TNRC6B: variants seen among roughly 807,000 people sequenced by gnomAD.
The protein encoded by TNRC6B is trinucleotide repeat containing adaptor 6B, also known as trinucleotide repeat-containing gene 6B protein.
A neutral mutation model predicts 203.6 loss-of-function variants in TNRC6B; 52 were observed. The ratio of observed to expected loss-of-function variants is 0.26; its 90% CI spans 0.20 to 0.32. The LOEUF (loss-of-function observed/expected upper bound fraction) is 0.32. TNRC6B is among the 10% of genes least tolerant of loss of function. The pLI is 1.00. For synonymous variants in TNRC6B, 838 were observed against 845.7 expected, an observed-to-expected ratio of 0.99 and a Z score of 0.16; for missense variants, 1,923 against 2,286.2, an observed-to-expected ratio of 0.84 and a Z score of 3.24.
intron 1 of TNRC6B, among the ~76,000 whole-genome samples, chr22:40,099,577 T>C (rs1214395994): frequency 3.9e-5 from 6 of 152,186 alleles, no homozygotes; most frequent in Admixed American, 3.9e-4. Flanking sequence ...ACTATTTTCC[T>C]TGACATTATT....
At chr22:40,223,883 A>G (rs1297982503) in intron 1 of TNRC6B, among the ~76,000 whole-genome samples, 4 of 152,212 alleles carry the variant, frequency 2.6e-5, no homozygotes, top group Non-Finnish European at 5.9e-5. Flanking sequence ...TCTCATCAGC[A>G]ATGGTATATG....
At chr22:40,075,156 A>ATT (rs58240994) in intron 1 of TNRC6B, among the ~76,000 whole-genome samples, 3,353 of 35,364 alleles carry the variant, frequency 0.095, 212 homozygotes, top group Middle Eastern at 0.16. Context: ...ATATATATAT[A>ATT]TTTTTTTTTT....
upstream of TNRC6B, among the ~76,000 whole-genome samples, chr22:40,173,330 C>T (rs929913722): frequency 7.6e-4 from 115 of 151,704 alleles, 1 homozygote; most frequent in Admixed American, 7.4e-3. Flanking sequence ...CACTTGACCT[C>T]GTGATCCACC....
At chr22:40,114,081 C>T (rs561159773) in intron 1 of TNRC6B, among the ~76,000 whole-genome samples, 2 of 152,156 alleles carry the variant, frequency 1.3e-5, no homozygotes, top group East Asian at 1.9e-4. Context: ...TTAAGAGCCT[C>T]TCTATACTGC....
At chr22:40,161,290 G>C (rs894809789) in intron 4 of TNRC6B, among the ~76,000 whole-genome samples, 3 of 152,172 alleles carry the variant, frequency 2.0e-5, no homozygotes, top group African/African-American at 7.2e-5. Context: ...GTGAGGCAGA[G>C]ATCTAACTTA....
Position 40,123,031 on chromosome 22 carries a change from ATTG to A in TNRC6B, c.-46-2736_-46-2734del, listed in dbSNP as rs542414652. 1.6e-4 allele frequency among the ~76,000 whole-genome samples: 24 copies of A among 152,216 alleles called. No homozygotes were observed. In the South Asian group the frequency reaches 4.8e-3, roughly 30 times the overall value. ...AGGTCTAGCAATAGTAAGGTTCCCA[ATTG>A]TTGTCAGCCACTGGGTGGTTCAGTA... On this transcript the variant is annotated intron_variant, in intron 2 of 23. Transcript: ENST00000301923.
At chr22:40,233,834 A>G (rs1247035325) in intron 1 of TNRC6B, among the ~76,000 whole-genome samples, 1 of 152,158 alleles carries the variant, frequency 6.6e-6, no homozygotes, top group Non-Finnish European at 1.5e-5. Context: ...TTCACCCTAC[A>G]GTGGATGCCA....
At chr22:40,044,910 C>G (rs1269336699) in exon 1 of TNRC6B, 1 of 152,502 alleles carries the variant, frequency 6.6e-6, no homozygotes, top group African/African-American at 2.4e-5. Flanking sequence ...CCCCCTACGA[C>G]GTCGCCTCCA....
intron 12 of TNRC6B, among the ~76,000 whole-genome samples, chr22:40,286,548 A>G (rs1389754345): frequency 1.3e-5 from 2 of 152,132 alleles, no homozygotes; most frequent in African/African-American, 4.8e-5. Flanking sequence ...ATTCTGGATT[A>G]TTCTGAAAAT....
At position 40,266,319 on chromosome 22, in the gene TNRC6B, G is replaced by C; in HGVS notation, c.2089G>C (p.Gly697Arg). 9 of 1,600,118 alleles carry C rather than the reference G, an allele frequency of 5.6e-6. No homozygotes were observed. Among genetic ancestry groups the C allele is most frequent in the Non-Finnish European group, 7.7e-6 (9 of 1,172,938 alleles). Residue 697 changes from glycine to arginine, a missense_variant, in exon 5 of 23, where the codon GGC (glycine) becomes CGC (arginine). By Grantham distance (125) the Gly-to-Arg change is moderately radical. This residue lies in a region of TNRC6B where 599 missense variants were observed against 656.5 expected (regional missense o/e 0.91). Transcript: ENST00000454349. ...TEWKDPKNTG[G>R]WNDYKNNNSS... ...GTGGAAAGACCCCAAGAACACAGGA[G>C]GCTGGAATGACTACAAGAACAACAA...
chr22:40,310,249 C>T (rs552287706), intron 16 of TNRC6B, among the ~76,000 whole-genome samples: 127 of 152,278 alleles, frequency 8.3e-4, no homozygotes, highest in Non-Finnish European at 1.3e-3. Flanking sequence ...CTTGTGCTGG[C>T]AAAGACCCTA....
chr22:40,145,206 G>A (rs995430582), intron 3 of TNRC6B, among the ~76,000 whole-genome samples: 5 of 151,910 alleles, frequency 3.3e-5, no homozygotes, highest in African/African-American at 9.7e-5. Flanking sequence ...TAATTGTGCC[G>A]TTGCACTGCA....
Position 40,327,507 on chromosome 22 carries a change from G to A in TNRC6B, c.*4266G>A, listed in dbSNP as rs1174595924. 1 of 152,314 alleles carries A rather than the reference G, an allele frequency of 6.6e-6. No homozygotes were observed. The highest frequency in any genetic ancestry group is 1.9e-4 in the East Asian group (1 of 5,208). 9.4% of individuals were successfully genotyped at this position (152,314 alleles called of 1,614,324 possible). On this transcript the variant is annotated 3_prime_UTR_variant, in exon 23 of 23. Transcript: ENST00000454349. ...CTCTTTGTCTTGGGCAAATAGAAGG[G>A]GTTCCTGTTGTTCTGCTCTTGTCCT...
Position 40,222,728 on chromosome 22 carries a change from C to CTTTTTTTTTTTTTTTTTTTTT in TNRC6B, c.6-23274_6-23254dup, listed in dbSNP as rs61374373. Among the ~76,000 whole-genome samples the CTTTTTTTTTTTTTTTTTTTTT allele has an allele frequency of 3.2e-4, 13 of 40,214 alleles. 3 individuals carry two copies. Among genetic ancestry groups the CTTTTTTTTTTTTTTTTTTTTT allele is most frequent in the Non-Finnish European group, 4.4e-4 (11 of 25,160 alleles). 26.4% of individuals were successfully genotyped at this position (40,214 alleles called of 152,430 possible). ...ATCTTGCTGTATTCTCTCTCTCTCT[C>CTTTTTTTTTTTTTTTTTTTTT]TTTTTTTTTTTTTTTTTTTTTTTTT... is the stretch of plus-strand genomic sequence containing the variant. On this transcript the variant is annotated intron_variant, in intron 1 of 22. Coordinates refer to ENST00000454349, the MANE Select transcript of TNRC6B (RefSeq NM_001162501.2).
intron 3 of TNRC6B, among the ~76,000 whole-genome samples, chr22:40,254,284 T>G (rs896238765): frequency 3.9e-5 from 6 of 152,164 alleles, no homozygotes; most frequent in Non-Finnish European, 7.3e-5. Context: ...AGTTTAGGAT[T>G]AAGTTTAGGA....
At chr22:40,098,405 A>AAAC (rs1221158817) in intron 1 of TNRC6B, among the ~76,000 whole-genome samples, 3 of 151,426 alleles carry the variant, frequency 2.0e-5, no homozygotes, top group African/African-American at 7.3e-5. Context: ...AAAAAAAAAA[A>AAAC]AAAAGGGAAT....
intron 1 of TNRC6B, among the ~76,000 whole-genome samples, chr22:40,241,794 T>G (rs2146464668): frequency 6.6e-6 from 1 of 152,374 alleles, no homozygotes; most frequent in Middle Eastern, 3.4e-3. Flanking sequence ...ATTCCTCATT[T>G]CAATTTATTC....
chr22:40,076,894 G>A (rs1253761357), intron 1 of TNRC6B, among the ~76,000 whole-genome samples: 1 of 152,022 alleles, frequency 6.6e-6, no homozygotes, highest in African/African-American at 2.4e-5. Context: ...GTGCGGGGGT[G>A]TGCACCTCTA....
At chr22:40,199,563 A>C (rs1027043640) in intron 1 of TNRC6B, among the ~76,000 whole-genome samples, 7 of 152,162 alleles carry the variant, frequency 4.6e-5, no homozygotes, top group African/African-American at 1.7e-4. Flanking sequence ...GGGTCATGAA[A>C]GTCAAAGCAA....
Sources: gnomAD v4.1 joint callset for allele counts (sites outside exome capture counted in the v4.1 genomes callset) on GRCh38, gnomAD v4.1.1 for gene constraint, gnomAD v4.1.1 regional missense constraint, MANE v1.5 for transcripts, NCBI Gene and HGNC (gene_info 2026-07-23, HGNC 2026-07-21) for gene names.